RSBN1: variants seen among roughly 807,000 people sequenced by gnomAD.
RSBN1 encodes lysine-specific demethylase 9.
A neutral mutation model predicts 74.8 loss-of-function variants in RSBN1; 23 were observed. The ratio of observed to expected loss-of-function variants is 0.31; its 90% CI spans 0.22 to 0.44. RSBN1 has a LOEUF of 0.44. Among genes scored for constraint, RSBN1 ranks in the 20% least tolerant of loss-of-function variants. The pLI, the probability that RSBN1 is intolerant of heterozygous loss-of-function variation, is 1.00. For synonymous variants in RSBN1, 407 were observed against 379.6 expected, an observed-to-expected ratio of 1.07 and a Z score of -0.84; for missense variants, 808 against 1,020.9, an observed-to-expected ratio of 0.79 and a Z score of 2.84.
chr1:113,789,364 C>T (rs763407902), intron 2 of RSBN1, among the ~76,000 whole-genome samples: 9 of 152,186 alleles, frequency 5.9e-5, no homozygotes, highest in Admixed American at 1.3e-4. Context: ...CCCAACTCTA[C>T]GGGGAAAGAA....
chr1:113,788,166 A>AC (rs1660297012), intron 2 of RSBN1, among the ~76,000 whole-genome samples: 1 of 152,020 alleles, frequency 6.6e-6, no homozygotes, highest in Non-Finnish European at 1.5e-5. Context: ...AGTTAAATCT[A>AC]CCCCCAGAAA....
At chr1:113,800,260 T>C (rs1347886015) in intron 1 of RSBN1, among the ~76,000 whole-genome samples, 1 of 152,118 alleles carries the variant, frequency 6.6e-6, no homozygotes, top group Non-Finnish European at 1.5e-5. Flanking sequence ...TGTAATAAGA[T>C]AGCAAAATTT....
In RSBN1 at chr1:113,763,298, G is replaced by A. The variant is rs1659715899; in HGVS notation, c.*2682C>T. ...GCTCCACAAAATATTAAAACTTATA[G>A]CCACATTGTGCAAGTAATCTCAAGA... On this transcript the variant is annotated 3_prime_UTR_variant, in exon 7 of 7. Transcript: ENST00000261441. 6.6e-6 allele frequency: 1 copy of A among 152,662 alleles called. No individual in the cohort carries two copies. Among genetic ancestry groups the A allele is most frequent in the Admixed American group, 6.6e-5 (1 of 15,264 alleles). The allele number at this position is 152,662 out of a possible 1,614,324, so 9.5% of individuals were successfully genotyped here. A position where few individuals can be genotyped will look rare whatever the true frequency, so the allele number is the denominator to read the frequency against.
chr1:113,765,164 G>A lies in RSBN1; in HGVS notation c.*816C>T, dbSNP rs1395488029. 6.6e-6 allele frequency: 1 copy of A among 152,240 alleles called. No individual in the cohort carries two copies. Among genetic ancestry groups the A allele is most frequent in the Admixed American group, 6.5e-5 (1 of 15,270 alleles). The allele number at this position is 152,240 out of a possible 1,614,324, so 9.4% of individuals were successfully genotyped here. ...TTAATAGTTGTGATCAGTTTAGGAA[G>A]CAAAATTATCCCCACAAAATGTGAG... On this transcript the variant is annotated 3_prime_UTR_variant, in exon 7 of 7. Transcript: ENST00000261441.
chr1:113,766,897 C>A (rs145034969), intron 6 of RSBN1, among the ~76,000 whole-genome samples: 1 of 152,216 alleles, frequency 6.6e-6, no homozygotes, highest in East Asian at 1.9e-4. Context: ...ACCTGGTATC[C>A]CAAAGATTGA....
At position 113,804,114 on chromosome 1, in the gene RSBN1, G is replaced by A. The variant is rs182579658; in HGVS notation, c.704-6078C>T. On this transcript the variant is annotated intron_variant, in intron 1 of 6. Coordinates refer to ENST00000261441, the MANE Select transcript of RSBN1 (RefSeq NM_018364.5). ...ACTACACTCCAGCCTGGGCAACCCC[G>A]TCTCAGAAAAAAAAAAAAGTTATTA... 1.2e-4 allele frequency among the ~76,000 whole-genome samples: 18 copies of A among 151,488 alleles called. No individual in the cohort carries two copies. The East Asian group carries it at 3.3e-3, about 28-fold the overall frequency.
chr1:113,807,724 G>A (rs1660736292), intron 1 of RSBN1, among the ~76,000 whole-genome samples: 1 of 150,508 alleles, frequency 6.6e-6, no homozygotes, highest in Admixed American at 6.6e-5. Context: ...TTGCACCATT[G>A]CTCTCCAGCC....
At chr1:113,803,660 G>T (rs1660636264) in intron 1 of RSBN1, among the ~76,000 whole-genome samples, 1 of 152,090 alleles carries the variant, frequency 6.6e-6, no homozygotes, top group South Asian at 2.1e-4. Context: ...AAAAACAGTT[G>T]AATTCTAGAG....
In RSBN1 at chr1:113,775,098, C is replaced by G. The variant is rs571991338; in HGVS notation, c.1658+2112G>C. On this transcript the variant is annotated intron_variant, in intron 4 of 6. Transcript: ENST00000261441. ...TGAGTGGAGTGGCACAATCTCGGCT[C>G]ACTGCAACCTTCGCCTCCCAGGTTC... is the stretch of plus-strand genomic sequence containing the variant. Among the ~76,000 whole-genome samples the G allele has an allele frequency of 3.3e-5, 5 of 151,132 alleles. No homozygotes were observed. The South Asian group carries it at 1.0e-3, about 32-fold the overall frequency.
intron 1 of RSBN1, among the ~76,000 whole-genome samples, chr1:113,807,798 T>TATACACACAC (rs1255033915): frequency 8.9e-5 from 11 of 123,172 alleles, no homozygotes; most frequent in African/African-American, 2.9e-4. Context: ...TATGTATATG[T>TATACACACAC]ATACACACAC....
At chr1:113,801,900 C>T (rs1660591434) in intron 1 of RSBN1, among the ~76,000 whole-genome samples, 1 of 151,944 alleles carries the variant, frequency 6.6e-6, no homozygotes, top group African/African-American at 2.4e-5. Context: ...TTAATGTCAT[C>T]TGATTTCACA....
At chr1:113,802,861 C>G (rs1242961231) in intron 1 of RSBN1, among the ~76,000 whole-genome samples, 5 of 152,104 alleles carry the variant, frequency 3.3e-5, no homozygotes, top group Non-Finnish European at 7.4e-5. Context: ...ATTCGCCTGC[C>G]CGCAGTCCAT....
chr1:113,783,989 G>A (rs553943375), intron 2 of RSBN1, among the ~76,000 whole-genome samples: 1 of 152,206 alleles, frequency 6.6e-6, no homozygotes, highest in South Asian at 2.1e-4. Flanking sequence ...GATATCATCT[G>A]GGGTGTGATC....
chr1:113,771,810 C>CAA (rs71779986), intron 4 of RSBN1, among the ~76,000 whole-genome samples: 1,865 of 75,228 alleles, frequency 0.025, 62 homozygotes, highest in African/African-American at 0.09. Context: ...GTTCCTACCT[C>CAA]AAAAAAAAAA....
At chr1:113,770,808 A>G (rs981021223) in intron 4 of RSBN1, among the ~76,000 whole-genome samples, 1 of 152,198 alleles carries the variant, frequency 6.6e-6, no homozygotes, top group African/African-American at 2.4e-5. Flanking sequence ...TTAAAACACC[A>G]AAGAAAGGTT....
intron 2 of RSBN1, among the ~76,000 whole-genome samples, chr1:113,792,414 C>A (rs1446542185): frequency 1.3e-5 from 2 of 152,130 alleles, no homozygotes; most frequent in Admixed American, 1.3e-4. Flanking sequence ...CCAGAAAATG[C>A]AGACTATAAG....
Position 113,811,883 on chromosome 1 carries a change from G to C in RSBN1, c.530C>G (p.Thr177Arg), listed in dbSNP as rs769877505. 1.2e-6 allele frequency: 2 copies of C among 1,612,856 alleles called. No individual in the cohort carries two copies. The highest frequency in any genetic ancestry group is 1.7e-6 in the Non-Finnish European group (2 of 1,179,686). ...TSALFTFSPLTVSAAGPKHKG... is the reference protein window; with the variant it reads ...TSALFTFSPLRVSAAGPKHKG... ...ATGCTTGGGCCCGGCCGCGCTCACC[G>C]TCAGAGGCGAGAAGGTGAAGAGGGC... The change falls in exon 1 of 7, where the codon ACG (threonine) becomes AGG (arginine). Residue 177 changes from threonine (T) to arginine (R), a missense_variant. Physicochemically the swap from Thr to Arg is moderately conservative, Grantham distance 71 (BLOSUM62 -1). This residue lies in a region of RSBN1 where 464 missense variants were observed against 401.0 expected (regional missense o/e 1.16). Transcript: ENST00000261441.
chr1:113,806,444 T>C (rs1439236458), intron 1 of RSBN1, among the ~76,000 whole-genome samples: 1 of 151,914 alleles, frequency 6.6e-6, no homozygotes, highest in African/African-American at 2.4e-5. Flanking sequence ...CTAGAGCAAC[T>C]GGATATCCTT....
chr1:113,788,616 TA>T (rs1321430104), intron 2 of RSBN1, among the ~76,000 whole-genome samples: 1 of 152,194 alleles, frequency 6.6e-6, no homozygotes, highest in Non-Finnish European at 1.5e-5. Context: ...ACTGTAAGTT[TA>T]AAGGCACTGA....
Sources: allele counts gnomAD v4.1 joint callset (sites outside exome capture counted in the v4.1 genomes callset), GRCh38; gene constraint gnomAD v4.1.1; regional missense constraint gnomAD v4.1.1; transcripts MANE v1.5; gene names NCBI Gene and HGNC (gene_info 2026-07-23, HGNC 2026-07-21).